Variants in XCR1 observed in about 807,000 individuals in gnomAD.
The protein encoded by XCR1 is X-C motif chemokine receptor 1.
For missense variants in XCR1, 356 were observed against 424.2 expected, an observed-to-expected ratio of 0.84 and a Z score of 1.41; for synonymous variants, 187 against 188.5, an observed-to-expected ratio of 0.99 and a Z score of 0.06.
chr3:46,052,119 G>A (rs1398817147), intron 5 of XCR1, among the ~76,000 whole-genome samples: 1 of 152,164 alleles, frequency 6.6e-6, no homozygotes, highest in Admixed American at 6.5e-5. Flanking sequence ...AAGTTAAGGC[G>A]GCTTTTGCCT....
In XCR1 at chr3:46,020,796, G is replaced by A; in HGVS notation, c.*150C>T. 9.0e-7 allele frequency: 1 copy of A among 1,106,482 alleles called. No homozygotes were observed. The highest frequency in any genetic ancestry group is 1.6e-5 in the African/African-American group (1 of 63,488). 68.5% of individuals were successfully genotyped at this position (1,106,482 alleles called of 1,614,324 possible). A position where few individuals can be genotyped will look rare whatever the true frequency, so the allele number is the denominator to read the frequency against. ...GATGAGAGGCTGGCGGGACCCACTG[G>A]TGTAATGAATGACCTTCACTGCACG... On this transcript the variant is annotated 3_prime_UTR_variant, in exon 2 of 2. Transcript: ENST00000309285.
chr3:46,038,172 C>G (rs573626371), intron 5 of XCR1, among the ~76,000 whole-genome samples: 1 of 152,098 alleles, frequency 6.6e-6, no homozygotes, highest in South Asian at 2.1e-4. Context: ...AGATTACAGG[C>G]ACGTGCCACC....
At chr3:46,084,426 A>G (rs1456907703) in intron 1 of XCR1, among the ~76,000 whole-genome samples, 1 of 152,218 alleles carries the variant, frequency 6.6e-6, no homozygotes, top group African/African-American at 2.4e-5. Context: ...CCCTTGAGCT[A>G]AGTAATTACC....
intron 5 of XCR1, among the ~76,000 whole-genome samples, chr3:46,034,334 A>G (rs961151506): frequency 9.2e-5 from 14 of 152,174 alleles, no homozygotes; most frequent in African/African-American, 3.4e-4. Flanking sequence ...CAGGCTTGCT[A>G]TATAAATTAT....
intron 4 of XCR1, among the ~76,000 whole-genome samples, chr3:46,054,546 C>G (rs2036292): frequency 1.1e-4 from 16 of 150,742 alleles, no homozygotes; most frequent in African/African-American, 3.7e-4. Flanking sequence ...CTCAAAAGGA[C>G]GAGGGGGGGG....
intron 1 of XCR1, among the ~76,000 whole-genome samples, chr3:46,081,793 C>A (rs1364332198): frequency 6.6e-6 from 1 of 151,774 alleles, no homozygotes; most frequent in East Asian, 1.9e-4. Flanking sequence ...TGTGGTTGAA[C>A]CCGTCATTCA....
chr3:46,071,725 T>C (rs1698166581), intron 3 of XCR1, among the ~76,000 whole-genome samples: 1 of 152,128 alleles, frequency 6.6e-6, no homozygotes, highest in African/African-American at 2.4e-5. Flanking sequence ...ATCATCTCAA[T>C]AGATATAGAA....
intron 1 of XCR1, among the ~76,000 whole-genome samples, chr3:46,081,906 T>C (rs1353844925): frequency 2.0e-5 from 3 of 152,126 alleles, no homozygotes; most frequent in African/African-American, 7.2e-5. Flanking sequence ...GTCTTTATGT[T>C]CGTGTGTACC....
At chr3:46,050,857 C>T (rs1164920435) in intron 5 of XCR1, among the ~76,000 whole-genome samples, 2 of 152,174 alleles carry the variant, frequency 1.3e-5, no homozygotes, top group African/African-American at 4.8e-5. Flanking sequence ...CTGTAATGCG[C>T]CCATCGGTTT....
intron 4 of XCR1, among the ~76,000 whole-genome samples, chr3:46,064,903 C>T (rs908877980): frequency 2.0e-5 from 3 of 151,996 alleles, no homozygotes; most frequent in Non-Finnish European, 4.4e-5. Context: ...AACAGCCTGA[C>T]CAACATGGAG....
intron 5 of XCR1, among the ~76,000 whole-genome samples, chr3:46,043,983 GT>G (rs971384262): frequency 2.6e-5 from 4 of 151,318 alleles, no homozygotes; most frequent in South Asian, 4.2e-4. Flanking sequence ...CCCCATTGTG[GT>G]TTTTTTTGTT....
chr3:46,029,321 A>T (rs985069173), upstream of XCR1, among the ~76,000 whole-genome samples: 20 of 152,154 alleles, frequency 1.3e-4, no homozygotes, highest in Non-Finnish European at 5.9e-5. Context: ...CTCCTACTTC[A>T]GCCTCCTGAG....
rs752637865 is a variant in XCR1 at position 46,021,048 on chromosome 3, A to G, written c.900T>C (p.His300=). ...GGCAGAACCAGAACTGCCGGAGAAC[A>G]TGTTTCAGGTGTGTGCGGAACTTGA... ...VGVKFRTHLK[H]VLRQFWFCRL... is the part of the protein sequence containing the mutation. Residue 300 remains histidine (H), a synonymous_variant, in exon 2 of 2, where the codon CAT becomes CAC. Transcript: ENST00000309285. This position sits in a 1 kb window ranked among gnomAD's most constrained non-coding sequence, Gnocchi z 4.7. The G allele has an allele frequency of 3.7e-6, 6 of 1,614,176 alleles. No homozygotes were observed. Among genetic ancestry groups the G allele is most frequent in the Non-Finnish European group, 5.1e-6 (6 of 1,180,000 alleles).
At chr3:46,052,441 T>G (rs1420692410) in intron 5 of XCR1, among the ~76,000 whole-genome samples, 1 of 152,198 alleles carries the variant, frequency 6.6e-6, no homozygotes, top group East Asian at 1.9e-4. Context: ...ATTTCCTTTG[T>G]TATAGGGAGG....
At chr3:46,029,679 G>T (rs1220362163), upstream of XCR1, among the ~76,000 whole-genome samples, 1 of 152,154 alleles carries the variant, frequency 6.6e-6, no homozygotes, top group African/African-American at 2.4e-5. Flanking sequence ...CAACACTTTT[G>T]TGTGTCAAAG....
At chr3:46,028,521 T>G (rs1708341122), upstream of XCR1, among the ~76,000 whole-genome samples, 1 of 151,726 alleles carries the variant, frequency 6.6e-6, no homozygotes. Context: ...ATTTATCTCA[T>G]TCCTTGGGTT....
intron 5 of XCR1, among the ~76,000 whole-genome samples, chr3:46,052,039 C>CAA (rs771023267): frequency 1.0e-5 from 1 of 98,108 alleles, no homozygotes. Context: ...AAAACAAAAA[C>CAA]AAAAAAAAAA....
intron 4 of XCR1, among the ~76,000 whole-genome samples, chr3:46,061,912 C>A (rs79071962): frequency 3.2e-4 from 48 of 152,098 alleles, no homozygotes; most frequent in Admixed American, 2.2e-3. Flanking sequence ...GTGGGCAAAG[C>A]TGGATTTGAA....
At chr3:46,058,725 A>C (rs1444442616) in intron 4 of XCR1, among the ~76,000 whole-genome samples, 1 of 152,058 alleles carries the variant, frequency 6.6e-6, no homozygotes, top group East Asian at 1.9e-4. Context: ...CACCATGCCC[A>C]GCTAGTTTTC....
Sources: gnomAD v4.1 joint callset for allele counts (sites outside exome capture counted in the v4.1 genomes callset) on GRCh38, gnomAD v4.1.1 for gene constraint, Gnocchi (gnomAD v3.1) non-coding constraint, MANE v1.5 for transcripts, NCBI Gene and HGNC (gene_info 2026-07-23, HGNC 2026-07-21) for gene names.